The following UFL1 variants were observed in gnomAD, a reference collection of about 807,000 sequenced individuals.
UFL1 encodes E3 UFM1-protein ligase 1.
In UFL1, 78 loss-of-function variants were observed where a neutral mutation model predicts 99.3. That is an observed-to-expected ratio of 0.79 (90% confidence interval 0.65 to 0.95). The LOEUF (loss-of-function observed/expected upper bound fraction) is 0.95. UFL1 is among the 40% of genes least tolerant of loss of function. UFL1 has a pLI of 0.00. For missense variants in UFL1, 936 were observed against 937.0 expected (o/e 1.00, Z 0.01); for synonymous variants, 335 against 322.2 (o/e 1.04, Z -0.42).
intron 5 of UFL1, among the ~76,000 whole-genome samples, chr6:96,527,951 G>A (rs1188746476): frequency 6.6e-6 from 1 of 152,150 alleles, no homozygotes; most frequent in African/African-American, 2.4e-5. Context: ...ATACTCTGCT[G>A]AACTTGAAAG....
chr6:96,548,949 G>T (rs985071256), intron 13 of UFL1, among the ~76,000 whole-genome samples: 1 of 151,476 alleles, frequency 6.6e-6, no homozygotes, highest in Admixed American at 6.6e-5. Context: ...GTGCATAAAT[G>T]TATTACAGAA....
At chr6:96,530,375 G>A (rs1769766946) in intron 6 of UFL1, among the ~76,000 whole-genome samples, 1 of 152,108 alleles carries the variant, frequency 6.6e-6, no homozygotes, top group Non-Finnish European at 1.5e-5. Flanking sequence ...CTATATTCTT[G>A]TTATTGAATC....
chr6:96,522,951 C>A, intron 1 of UFL1, 195 bp from the exon 2 acceptor site: 1 of 436,672 alleles, frequency 2.3e-6, no homozygotes, highest in South Asian at 5.5e-5. Context: ...ATGATTTAAG[C>A]ATATGTAAAC....
rs887092953 is a variant in UFL1, at chr6:96,545,631, G to A, written c.1403-2533G>A. Among the ~76,000 whole-genome samples, 12 of 150,548 alleles carry A rather than the reference G, an allele frequency of 8.0e-5. 1 individual carries two copies. Among genetic ancestry groups the A allele is most frequent in the African/African-American group, 2.7e-4 (11 of 41,162 alleles). ...TTTTATAAAGGAGGAAAAACTGCCC[G>A]GTATTCCTTGTTCAACAAAGATAAA... On this transcript the variant is annotated intron_variant, in intron 12 of 18. Transcript: ENST00000369278.
chr6:96,530,277 T>C (rs561949887), intron 6 of UFL1, among the ~76,000 whole-genome samples: 2 of 152,344 alleles, frequency 1.3e-5, no homozygotes, highest in Admixed American at 1.3e-4. Flanking sequence ...TGTTTTTTCA[T>C]GTTATACCTA....
intron 7 of UFL1, 115 bp from the exon 8 acceptor site, chr6:96,536,129 T>C: frequency 9.7e-7 from 1 of 1,027,822 alleles, no homozygotes; most frequent in Non-Finnish European, 1.3e-6. Flanking sequence ...TATTTCAACT[T>C]CAGATTGGTT....
chr6:96,549,880 A>C (rs1433501977), intron 15 of UFL1, 81 bp downstream of exon 15: 2 of 1,523,066 alleles, frequency 1.3e-6, no homozygotes, highest in Non-Finnish European at 1.8e-6. Flanking sequence ...ATTTGGAGTA[A>C]AGAGGAAAAT....
At chr6:96,525,611 G>T (rs1769687015) in intron 4 of UFL1, among the ~76,000 whole-genome samples, 1 of 151,510 alleles carries the variant, frequency 6.6e-6, no homozygotes, top group Non-Finnish European at 1.5e-5. Context: ...GAAGGCTGAG[G>T]CTGGAGGATT....
At chr6:96,536,965 A>G (rs1157112503) in intron 8 of UFL1, among the ~76,000 whole-genome samples, 1 of 150,000 alleles carries the variant, frequency 6.7e-6, no homozygotes, top group Non-Finnish European at 1.5e-5. Flanking sequence ...AGTTATTAAA[A>G]CAATTAGCAT....
chr6:96,537,475 G>A lies in UFL1; in HGVS notation c.904G>A (p.Gly302Ser), dbSNP rs1769869889. The A allele has an allele frequency of 6.2e-7, 1 of 1,610,374 alleles. No homozygotes were observed. Among genetic ancestry groups the A allele is most frequent in the Non-Finnish European group, 8.5e-7 (1 of 1,177,976 alleles). The change falls in exon 9 of 19, where the codon GGT becomes AGT. Residue 302 changes from glycine (G) to serine (S), a missense_variant. Physicochemically the swap from Gly to Ser is moderately conservative, Grantham distance 56. Coordinates refer to ENST00000369278, the MANE Select transcript of UFL1 (RefSeq NM_015323.5). The stretch of plus-strand genomic sequence containing the variant: ...CTTGTTTTTGAAAGCAGCTTGTGTT[G>A]GTCAAGGACTTGTGGATCAAGTGGA... Reference protein sequence around the residue: ...QLLFLKAACVGQGLVDQVEAS... With the variant: ...QLLFLKAACVSQGLVDQVEAS...
In UFL1 at chr6:96,542,946, A is replaced by T; in HGVS notation, c.1332A>T (p.Lys444Asn). The T allele has an allele frequency of 1.9e-6, 3 of 1,603,138 alleles. No homozygotes were observed. The South Asian group carries it at 3.3e-5, about 18-fold the overall frequency. ...GGGGGNAREY[K>N]IKKVKKKGRK... ...GTGGGGGCAATGCCAGAGAGTACAA[A>T]ATTAAAAAAGTCAAGAAGAAAGGAA... is the stretch of plus-strand genomic sequence containing the variant. Residue 444 changes from lysine (K) to asparagine (N), a missense_variant, in exon 12 of 19, where the codon AAA (lysine) becomes AAT (asparagine). Coordinates refer to ENST00000369278, the MANE Select transcript of UFL1 (RefSeq NM_015323.5).
Position 96,552,573 on chromosome 6 carries a change from T to G in UFL1, c.2077T>G (p.Leu693Val). The G allele has an allele frequency of 6.2e-7, 1 of 1,613,506 alleles. No homozygotes were observed. The highest frequency in any genetic ancestry group is 8.5e-7 in the Non-Finnish European group (1 of 1,179,772). ...TATTCTGCACCTCACATCAGTCCTG[T>G]TGTTTCAGTTTTCAACCCACAGCAT... is the stretch of plus-strand genomic sequence containing the variant. ...ALILHLTSVL[L>V]FQFSTHSMLH... is the part of the protein sequence containing the mutation. Residue 693 changes from leucine to valine, a missense_variant, in exon 18 of 19, where the codon TTG becomes GTG. Transcript: ENST00000369278.
In UFL1 at chr6:96,549,720, A is replaced by T; in HGVS notation, c.1739A>T (p.Asp580Val). ...TKHLLKSVCT[D>V]ITNLIFNFLA... ...CACTTGCTGAAGTCAGTGTGTACTG[A>T]TATCACTAACCTCATTTTCAACTTC... Residue 580 changes from aspartate to valine, a missense_variant, in exon 15 of 19, where the codon GAT becomes GTT. Coordinates refer to ENST00000369278, the MANE Select transcript of UFL1 (RefSeq NM_015323.5). 1 of 1,612,428 alleles carries T rather than the reference A, an allele frequency of 6.2e-7. No individual in the cohort carries two copies.
chr6:96,553,571 AAAGT>A lies in UFL1; in HGVS notation c.*70_*73del. 7.0e-7 allele frequency: 1 copy of A among 1,425,096 alleles called. No homozygotes were observed. The highest frequency in any genetic ancestry group is 9.6e-7 in the Non-Finnish European group (1 of 1,041,088). The allele number at this position is 1,425,096 out of a possible 1,614,324, so 88.3% of individuals were successfully genotyped here. On this transcript the variant is annotated 3_prime_UTR_variant, in exon 19 of 19. Coordinates refer to ENST00000369278, the MANE Select transcript of UFL1 (RefSeq NM_015323.5). ...AAGGTTGAAGGTGAGTGGTCACAAA[AAAGT>A]AGTCACTATACAACTCCCCTCTCCC...
At chr6:96,522,077 C>T (rs1769621191) in intron 1 of UFL1, 127 bp downstream of exon 1, 3 of 1,096,298 alleles carry the variant, frequency 2.7e-6, no homozygotes, top group Admixed American at 2.2e-5. Context: ...ATTCTCTCCT[C>T]CTCCCTCTGT....
chr6:96,528,623 C>T lies in UFL1; in HGVS notation c.587C>T (p.Ala196Val). The T allele has an allele frequency of 6.2e-7, 1 of 1,611,892 alleles. No individual in the cohort carries two copies. Among genetic ancestry groups the T allele is most frequent in the South Asian group, 1.1e-5 (1 of 90,624 alleles). ...HKARIRGLFS[A>V]ITRPTAVNSL... Reference sequence around the variant, plus strand: ...GCACGTATCCGTGGACTATTCAGTGCTATTACCCGGTAAGTATATTTTAAA... The same window carrying T: ...GCACGTATCCGTGGACTATTCAGTGTTATTACCCGGTAAGTATATTTTAAA... Residue 196 changes from alanine (A) to valine (V), a missense_variant, in exon 6 of 19, where the codon GCT becomes GTT. Physicochemically the swap from Ala to Val is moderately conservative, Grantham distance 64. Coordinates refer to ENST00000369278, the MANE Select transcript of UFL1 (RefSeq NM_015323.5).
chr6:96,537,584 A>G (rs1769871845), intron 9 of UFL1, 35 bp downstream of exon 9: 2 of 1,503,226 alleles, frequency 1.3e-6, no homozygotes, highest in Non-Finnish European at 1.8e-6. Context: ...TTCTTTAAAC[A>G]GTGACAACTG....
In UFL1 at chr6:96,522,600, GA is replaced by G. The variant is rs1459859523; in HGVS notation, c.78-544del. Among the ~76,000 whole-genome samples, 3 of 152,186 alleles carry G rather than the reference GA, an allele frequency of 2.0e-5. No individual in the cohort carries two copies. In the East Asian group the frequency reaches 5.8e-4, roughly 29 times the overall value. On this transcript the variant is annotated intron_variant, in intron 1 of 18. Transcript: ENST00000369278. ...GCGATGTTTTATTCCTTTTGAGCCG[GA>G]AGACAGCAATCCCCTTATGCTGTAT...
chr6:96,552,292 T>C lies in UFL1; in HGVS notation c.1986-190T>C, dbSNP rs138300592. ...CCACTCTATAGCTTTTTCTTTAATT[T>C]TGTAGCACACTAATCTATCCATGCC... On this transcript the variant is annotated intron_variant, in intron 17 of 18. Coordinates refer to ENST00000369278, the MANE Select transcript of UFL1 (RefSeq NM_015323.5). Among the ~76,000 whole-genome samples the C allele has an allele frequency of 3.7e-3, 570 of 152,174 alleles. 3 individuals carry two copies. Among genetic ancestry groups the C allele is most frequent in the African/African-American group, 0.013 (537 of 41,554 alleles).
Sources: gnomAD v4.1 joint callset for allele counts (sites outside exome capture counted in the v4.1 genomes callset) on GRCh38, gnomAD v4.1.1 for gene constraint, MANE v1.5 for transcripts, NCBI Gene and HGNC (gene_info 2026-07-23, HGNC 2026-07-21) for gene names.